Variants in GABRA3 observed in about 807,000 individuals in gnomAD.
GABRA3 encodes the protein gamma-aminobutyric acid receptor subunit alpha-3.
A neutral mutation model predicts 30.1 loss-of-function variants in GABRA3; 10 were observed. The ratio of observed to expected loss-of-function variants is 0.33; its 90% CI spans 0.20 to 0.56. GABRA3 has a LOEUF of 0.56. GABRA3 is among the 20% of genes least tolerant of loss of function. GABRA3 has a pLI of 0.89. For synonymous variants in GABRA3, 151 were observed against 146.8 expected, an observed-to-expected ratio of 1.03 and a Z score of -0.21; for missense variants, 233 against 392.0, an observed-to-expected ratio of 0.59 and a Z score of 3.42.
chrX:152,190,987 T>A (rs779451487), intron 8 of GABRA3, among the ~76,000 whole-genome samples: 1 of 108,613 alleles, frequency 9.2e-6, no homozygotes, highest in Non-Finnish European at 1.9e-5. Context: ...TTGAATAAGG[T>A]GTTTTACCCC....
intron 3 of GABRA3, among the ~76,000 whole-genome samples, chrX:152,329,386 C>G (rs773937491): frequency 1.6e-4 from 18 of 111,730 alleles, no homozygotes; most frequent in African/African-American, 5.8e-4. Flanking sequence ...CCCACATAGC[C>G]AAGACAATCC....
chrX:152,390,145 C>T (rs1479560409), intron 1 of GABRA3, among the ~76,000 whole-genome samples: 1 of 111,461 alleles, frequency 9.0e-6, no homozygotes, highest in Non-Finnish European at 1.9e-5. Context: ...ACTTCTTTGC[C>T]TTTGGTTTGA....
At chrX:152,279,883 G>C (rs1319199500) in intron 4 of GABRA3, among the ~76,000 whole-genome samples, 1 of 110,945 alleles carries the variant, frequency 9.0e-6, no homozygotes, top group Non-Finnish European at 1.9e-5. Flanking sequence ...ATTGTGAATG[G>C]GAGCTCACTC....
At chrX:152,436,911 A>C (rs1465613140) in intron 1 of GABRA3, among the ~76,000 whole-genome samples, 1 of 111,683 alleles carries the variant, frequency 9.0e-6, no homozygotes, top group Admixed American at 9.6e-5. Context: ...GAAGGGCAGA[A>C]AATATTTCCA....
At chrX:152,173,586 A>G (rs1043999597) in intron 9 of GABRA3, among the ~76,000 whole-genome samples, 3 of 110,260 alleles carry the variant, frequency 2.7e-5, no homozygotes, top group Non-Finnish European at 5.7e-5. Flanking sequence ...AGCTGGGATT[A>G]CAGGCATGTG....
At chrX:152,292,293 T>G (rs1019871799) in intron 3 of GABRA3, among the ~76,000 whole-genome samples, 3 of 112,173 alleles carry the variant, frequency 2.7e-5, no homozygotes, top group African/African-American at 9.7e-5. Flanking sequence ...GATTTTCTAG[T>G]TTATTTGCAT....
intron 5 of GABRA3, among the ~76,000 whole-genome samples, chrX:152,237,349 A>G (rs1168537239): frequency 3.7e-5 from 4 of 107,012 alleles, no homozygotes; most frequent in African/African-American, 1.0e-4. Context: ...TGTTCCATTG[A>G]TCTATATCTC....
At chrX:152,208,648 G>T (rs1053030697) in intron 6 of GABRA3, among the ~76,000 whole-genome samples, 1 of 106,585 alleles carries the variant, frequency 9.4e-6, no homozygotes, top group Non-Finnish European at 1.9e-5. Flanking sequence ...AAATGGCTTG[G>T]TGACACCCCC....
chrX:152,351,840 A>G (rs11797836), intron 2 of GABRA3, among the ~76,000 whole-genome samples: 13,406 of 110,600 alleles, frequency 0.12, 682 homozygotes, highest in African/African-American at 0.18. Context: ...TAGAGGCTAT[A>G]TAGGGCTACT....
At chrX:152,432,519 T>C (rs1048600927) in intron 1 of GABRA3, among the ~76,000 whole-genome samples, 11 of 110,856 alleles carry the variant, frequency 9.9e-5, no homozygotes, top group South Asian at 3.7e-4. Flanking sequence ...ACTGAAGAAA[T>C]TGACAATTCC....
At chrX:152,311,844 A>C (rs1232054336) in intron 3 of GABRA3, among the ~76,000 whole-genome samples, 2 of 111,519 alleles carry the variant, frequency 1.8e-5, no homozygotes. Context: ...CTGATAAAAA[A>C]AAAAACATCA....
intron 1 of GABRA3, among the ~76,000 whole-genome samples, chrX:152,368,514 C>T (rs1277682447): frequency 9.1e-6 from 1 of 110,228 alleles, no homozygotes; most frequent in Non-Finnish European, 1.9e-5. Flanking sequence ...TGTATGTATA[C>T]CACATTTTCT....
intron 7 of GABRA3, 44 bp from the exon 8 acceptor site, chrX:152,197,829 T>C: frequency 9.5e-7 from 1 of 1,051,106 alleles, no homozygotes; most frequent in Non-Finnish European, 1.3e-6. Context: ...TACATAAACA[T>C]TGCTAAATCA....
At chrX:152,335,664 G>A (rs922478929) in intron 3 of GABRA3, among the ~76,000 whole-genome samples, 13 of 111,631 alleles carry the variant, frequency 1.2e-4, no homozygotes, top group African/African-American at 4.2e-4. Context: ...TGTGTTACCT[G>A]GATATATTGC....
chrX:152,323,798 T>C (rs1187655842), intron 3 of GABRA3, among the ~76,000 whole-genome samples: 2 of 111,847 alleles, frequency 1.8e-5, no homozygotes, highest in African/African-American at 6.5e-5. Context: ...TTGAGGAACC[T>C]AAAACACAGA....
chrX:152,386,324 G>T (rs1272874288), intron 1 of GABRA3, among the ~76,000 whole-genome samples: 18 of 110,405 alleles, frequency 1.6e-4, no homozygotes, highest in African/African-American at 5.9e-4. Context: ...TTGTAAGTTG[G>T]ATTCCTAGGT....
chrX:152,281,503 C>A (rs1338345074), intron 4 of GABRA3, among the ~76,000 whole-genome samples: 4 of 111,907 alleles, frequency 3.6e-5, no homozygotes, highest in African/African-American at 1.3e-4. Context: ...CCAGGGCAAC[C>A]ATTTTCCAAC....
chrX:152,221,734 A>C (rs1487219404), intron 6 of GABRA3, among the ~76,000 whole-genome samples: 1 of 111,607 alleles, frequency 9.0e-6, no homozygotes, highest in Non-Finnish European at 1.9e-5. Flanking sequence ...CTTTTATTTT[A>C]AGTTCAGGGG....
At chrX:152,424,975 C>T (rs1425039570) in intron 1 of GABRA3, among the ~76,000 whole-genome samples, 2 of 92,510 alleles carry the variant, frequency 2.2e-5, no homozygotes, top group African/African-American at 4.1e-5. Context: ...TTCTGCCACC[C>T]GGGCTGGAAT....
Sources: allele counts gnomAD v4.1 joint callset (sites outside exome capture counted in the v4.1 genomes callset), GRCh38; gene constraint gnomAD v4.1.1; transcripts MANE v1.5; gene names NCBI Gene and HGNC (gene_info 2026-07-23, HGNC 2026-07-21).